FBXL14: variants seen among roughly 807,000 people sequenced by gnomAD.
FBXL14 encodes F-box and leucine rich repeat protein 14.
Under a neutral mutation model 24.5 loss-of-function variants are expected in FBXL14, and 11 were observed. The observed-to-expected ratio is 0.45, with a 90% CI of 0.28 to 0.74. FBXL14 has a LOEUF of 0.74. Among genes scored for constraint, FBXL14 ranks in the 30% least tolerant of loss-of-function variants. FBXL14 has a pLI of 0.12. For synonymous variants in FBXL14, 294 were observed against 240.4 expected, an observed-to-expected ratio of 1.22 and a Z score of -2.06; for missense variants, 384 against 545.6, an observed-to-expected ratio of 0.70 and a Z score of 2.95.
chr12:1,583,543 G>T (rs12423687), intron 1 of FBXL14, among the ~76,000 whole-genome samples: 1 of 152,134 alleles, frequency 6.6e-6, no homozygotes, highest in Non-Finnish European at 1.5e-5. Context: ...CAACTCTTAC[G>T]CCTGGAGGAA....
intron 1 of FBXL14, among the ~76,000 whole-genome samples, chr12:1,585,498 T>C: frequency 6.6e-6 from 1 of 152,232 alleles, no homozygotes; most frequent in South Asian, 2.1e-4. Context: ...AGGAAATATT[T>C]CCTCATATCC....
At chr12:1,572,381 C>T (rs560152404) in intron 1 of FBXL14, among the ~76,000 whole-genome samples, 148 of 152,344 alleles carry the variant, frequency 9.7e-4, no homozygotes, top group African/African-American at 3.2e-3. Flanking sequence ...TCCTACTGTA[C>T]GTTTGCAACT....
chr12:1,591,857 AATC>A (rs1427176302), intron 1 of FBXL14, among the ~76,000 whole-genome samples: 7 of 152,126 alleles, frequency 4.6e-5, no homozygotes, highest in Admixed American at 2.6e-4. Context: ...TTGCATATAT[AATC>A]ATCATTTTCA....
Position 1,567,174 on chromosome 12 carries a change from C to T in FBXL14, c.1195-364G>A, listed in dbSNP as rs1695268973. On this transcript the variant is annotated intron_variant, in intron 1 of 1. Coordinates refer to ENST00000339235, the MANE Select transcript of FBXL14 (RefSeq NM_152441.3). This position sits in a 1 kb window ranked among gnomAD's most constrained non-coding sequence, Gnocchi z 4.8. ...AAAAGATATAAGACATACTAAAGGGCAAATAGGGCCTGGCACGGTGGCTGA... is the reference window on the plus strand; with the variant it reads ...AAAAGATATAAGACATACTAAAGGGTAAATAGGGCCTGGCACGGTGGCTGA... 2.0e-5 allele frequency among the ~76,000 whole-genome samples: 3 copies of T among 152,036 alleles called. No homozygotes were observed. Among genetic ancestry groups the T allele is most frequent in the South Asian group, 2.1e-4 (1 of 4,820 alleles).
intron 1 of FBXL14, among the ~76,000 whole-genome samples, chr12:1,574,458 C>CG (rs2094451776): frequency 1.2e-4 from 1 of 8,054 alleles, no homozygotes; most frequent in Non-Finnish European, 3.3e-4. Context: ...TGGTGGCAGC[C>CG]GTGTGGGTGG....
chr12:1,575,785 C>T (rs779739900), intron 1 of FBXL14, among the ~76,000 whole-genome samples: 4 of 152,052 alleles, frequency 2.6e-5, no homozygotes, highest in East Asian at 1.9e-4. Context: ...TTTGAGGAAG[C>T]GTCATGAGAG....
At position 1,594,104 on chromosome 12, in the gene FBXL14, G is replaced by A; in HGVS notation, c.-38C>T. The A allele has an allele frequency of 1.5e-6, 2 of 1,342,798 alleles. No individual in the cohort carries two copies. The highest frequency in any genetic ancestry group is 2.0e-5 in the South Asian group (1 of 51,214). The allele number at this position is 1,342,798 out of a possible 1,614,324, so 83.2% of individuals were successfully genotyped here. A position where few individuals can be genotyped will look rare whatever the true frequency, so the allele number is the denominator to read the frequency against. On this transcript the variant is annotated 5_prime_UTR_variant, in exon 1 of 2. Coordinates refer to ENST00000339235, the MANE Select transcript of FBXL14 (RefSeq NM_152441.3). ...CCCTCCGCGGCGCTGGGGGGAGGAG[G>A]CGCGGGCCCCGCCGCTCCGGCCTCG...
rs974541839 is a variant in FBXL14, at chr12:1,593,375, C to T, written c.692G>A (p.Arg231Lys). Residue 231 changes from arginine (R) to lysine (K), a missense_variant, in exon 1 of 2, where the codon AGG (arginine) becomes AAG (lysine). Arg to Lys is a conservative substitution (Grantham distance 26, BLOSUM62 2). Transcript: ENST00000339235. This position sits in a 1 kb window ranked among gnomAD's most constrained non-coding sequence, Gnocchi z 7.4. ...KHISRGLTGL[R>K]LLNLSFCGGI... ...CCCACAGAAGCTGAGGTTGAGGAGC[C>T]TCAGGCCCGTCAGCCCTCGGGAGAT... 4 of 1,613,892 alleles carry T rather than the reference C, an allele frequency of 2.5e-6. No homozygotes were observed. In the South Asian group the frequency reaches 3.3e-5, roughly 13 times the overall value.
intron 1 of FBXL14, among the ~76,000 whole-genome samples, chr12:1,584,637 C>T (rs1048221945): frequency 6.6e-6 from 1 of 152,224 alleles, no homozygotes; most frequent in Non-Finnish European, 1.5e-5. Flanking sequence ...TTTTCTGCTT[C>T]GTACAACCGT....
intron 1 of FBXL14, among the ~76,000 whole-genome samples, chr12:1,573,992 C>T (rs180859003): frequency 0.013 from 1,937 of 145,836 alleles, 15 homozygotes; most frequent in Non-Finnish European, 0.021. Flanking sequence ...GCAACAAGAG[C>T]GAAACTCCGT....
intron 1 of FBXL14, among the ~76,000 whole-genome samples, chr12:1,588,840 T>C (rs557706075): frequency 1.3e-5 from 2 of 152,168 alleles, no homozygotes; most frequent in Admixed American, 1.3e-4. Flanking sequence ...ACGCAAAGTG[T>C]ACTATCAATT....
rs2094497186 is a variant in FBXL14 at position 1,594,321 on chromosome 12, C to T, written c.-255G>A. ...CCCCCGCCCCGGGCTCCGCACGGCG[C>T]TCACATCCCGGGCGGGGAAGGCGCC... is the stretch of plus-strand genomic sequence containing the variant. On this transcript the variant is annotated 5_prime_UTR_variant, in exon 1 of 2. Coordinates refer to ENST00000339235, the MANE Select transcript of FBXL14 (RefSeq NM_152441.3). Among the ~76,000 whole-genome samples the T allele has an allele frequency of 6.8e-6, 1 of 146,674 alleles. No individual in the cohort carries two copies. Among genetic ancestry groups the T allele is most frequent in the Non-Finnish European group, 1.5e-5 (1 of 65,830 alleles).
intron 1 of FBXL14, among the ~76,000 whole-genome samples, chr12:1,575,826 G>C (rs1325130883): frequency 6.6e-6 from 1 of 152,156 alleles, no homozygotes; most frequent in Non-Finnish European, 1.5e-5. Context: ...TGTCCTTAGG[G>C]AACCGTCTTT....
At chr12:1,594,668 C>T (rs1036153656), upstream of FBXL14, among the ~76,000 whole-genome samples, 2 of 149,234 alleles carry the variant, frequency 1.3e-5, no homozygotes, top group Non-Finnish European at 3.0e-5. Flanking sequence ...TGCGTTCCTT[C>T]TCCCCCGCCG....
intron 1 of FBXL14, among the ~76,000 whole-genome samples, chr12:1,584,460 T>A (rs1411770231): frequency 6.6e-6 from 1 of 152,182 alleles, no homozygotes; most frequent in Non-Finnish European, 1.5e-5. Context: ...GACCCTTCTG[T>A]GTAGGGAAGA....
intron 1 of FBXL14, among the ~76,000 whole-genome samples, chr12:1,583,385 A>G (rs1340645367): frequency 2.0e-5 from 3 of 147,188 alleles, no homozygotes; most frequent in Non-Finnish European, 3.0e-5. Context: ...TTTAAAGAGA[A>G]AAAAAAAAAA....
At chr12:1,582,577 G>A (rs1397103863) in intron 1 of FBXL14, among the ~76,000 whole-genome samples, 1 of 152,188 alleles carries the variant, frequency 6.6e-6, no homozygotes, top group East Asian at 1.9e-4. Flanking sequence ...AAGTTGCGCA[G>A]GGAGATGTTC....
rs1450078934 is a variant in FBXL14 at position 1,579,316 on chromosome 12, G to C, written c.1195-12506C>G. ...CATACTGACGAAAACAAAACCAGAG[G>C]TTTTAAAAAATAATCTGGGCCGGGC... On this transcript the variant is annotated intron_variant, in intron 1 of 1. Coordinates refer to ENST00000339235, the MANE Select transcript of FBXL14 (RefSeq NM_152441.3). The surrounding 1 kb of genome is among the most constrained non-coding windows in gnomAD (Gnocchi z 4.3). Among the ~76,000 whole-genome samples the C allele has an allele frequency of 6.6e-6, 1 of 151,600 alleles. No homozygotes were observed. Among genetic ancestry groups the C allele is most frequent in the Non-Finnish European group, 1.5e-5 (1 of 67,840 alleles).
intron 1 of FBXL14, among the ~76,000 whole-genome samples, chr12:1,573,286 C>T (rs2094448594): frequency 6.6e-6 from 1 of 152,160 alleles, no homozygotes; most frequent in Non-Finnish European, 1.5e-5. Context: ...AGGTCAGGGC[C>T]TCCTGATTTG....
Sources: allele counts gnomAD v4.1 joint callset (sites outside exome capture counted in the v4.1 genomes callset), GRCh38; gene constraint gnomAD v4.1.1; non-coding constraint Gnocchi (gnomAD v3.1); transcripts MANE v1.5; gene names NCBI Gene and HGNC (gene_info 2026-07-23, HGNC 2026-07-21).